MDGA2: variants seen among roughly 807,000 people sequenced by gnomAD.
MDGA2 encodes the protein MAM domain containing glycosylphosphatidylinositol anchor 2.
A neutral mutation model predicts 117.8 loss-of-function variants in MDGA2; 40 were observed. The ratio of observed to expected loss-of-function variants is 0.34; its 90% CI spans 0.26 to 0.44. The LOEUF is 0.44. Among genes scored for constraint, MDGA2 ranks in the 20% least tolerant of loss-of-function variants. The probability of loss-of-function intolerance (pLI) is 1.00; values close to 1 mark genes in which losing one functional copy is unlikely to be tolerated. For synonymous variants in MDGA2, 452 were observed against 439.0 expected (o/e 1.03, Z -0.37); for missense variants, 1,123 against 1,250.6 (o/e 0.90, Z 1.54).
chr14:47,161,927 CTTTTTTTTTTTTTTTTTTTTTTTT>C (rs71112489), intron 3 of MDGA2, among the ~76,000 whole-genome samples: 8 of 52,508 alleles, frequency 1.5e-4, no homozygotes, highest in South Asian at 1.4e-3. Context: ...TCCCCAGATC[CTTTTTTTTTTTTTTTTTTTTTTTT>C]TTTTTTTTTT....
intron 3 of MDGA2, among the ~76,000 whole-genome samples, chr14:47,217,480 G>T (rs967821615): frequency 1.3e-5 from 2 of 151,920 alleles, no homozygotes; most frequent in Admixed American, 6.6e-5. Flanking sequence ...AGGTGGCACA[G>T]CATTGTCCAG....
chr14:47,310,025 AT>A (rs1166793187), intron 1 of MDGA2, among the ~76,000 whole-genome samples: 1 of 152,174 alleles, frequency 6.6e-6, no homozygotes, highest in Non-Finnish European at 1.5e-5. Context: ...AAATTGCAAA[AT>A]ATTATTCTGA....
Position 47,651,577 on chromosome 14 carries a change from GT to G in MDGA2, c.280+22939del, listed in dbSNP as rs36062266. On this transcript the variant is annotated intron_variant, in intron 1 of 16. Coordinates refer to ENST00000399232, the MANE Select transcript of MDGA2 (RefSeq NM_001113498.3). ...AATCAGAAGAGTGATGTAATCTGCT[GT>G]TTTTTTTTAGCCATCACACAGGCTT... Among the ~76,000 whole-genome samples the G allele has an allele frequency of 4.5e-3, 683 of 150,972 alleles. 6 individuals are homozygous for G. Among genetic ancestry groups the G allele is most frequent in the African/African-American group, 0.016 (646 of 41,112 alleles).
intron 1 of MDGA2, among the ~76,000 whole-genome samples, chr14:47,344,052 T>A (rs1011779028): frequency 6.6e-6 from 1 of 152,198 alleles, no homozygotes; most frequent in Admixed American, 6.5e-5. Flanking sequence ...GATCACTGTT[T>A]ACCACACAAT....
At chr14:47,088,336 A>G (rs968647137) in intron 6 of MDGA2, among the ~76,000 whole-genome samples, 2 of 152,290 alleles carry the variant, frequency 1.3e-5, no homozygotes, top group East Asian at 3.9e-4. Context: ...ACTACAGAAT[A>G]TTAAATTGGG....
At chr14:47,102,200 GA>G (rs2139006880) in intron 5 of MDGA2, among the ~76,000 whole-genome samples, 1 of 152,058 alleles carries the variant, frequency 6.6e-6, no homozygotes, top group Admixed American at 6.6e-5. Flanking sequence ...TTTCCATCCA[GA>G]CTCTAAGCAA....
rs1594501991 is a variant in MDGA2, at chr14:46,990,869, CA to C, written c.1820-33227del. 9.2e-4 allele frequency among the ~76,000 whole-genome samples: 54 copies of C among 58,836 alleles called. No individual in the cohort carries two copies. The East Asian group carries it at 0.019, about 20-fold the overall frequency. 38.6% of individuals were successfully genotyped at this position (58,836 alleles called of 152,430 possible). A position where few individuals can be genotyped will look rare whatever the true frequency, so the allele number is the denominator to read the frequency against. On this transcript the variant is annotated intron_variant, in intron 8 of 16. Coordinates refer to ENST00000399232, the MANE Select transcript of MDGA2 (RefSeq NM_001113498.3). ...ATGGATTAGAACACACACACACCCA[CA>C]CACACACACACACACACACACACAC...
chr14:46,930,375 C>A (rs568296945), intron 9 of MDGA2, among the ~76,000 whole-genome samples: 109 of 152,044 alleles, frequency 7.2e-4, no homozygotes, highest in African/African-American at 2.6e-3. Flanking sequence ...CTCTCATATC[C>A]TTTTTGGTAT....
At chr14:46,972,585 A>G (rs1035840280) in intron 8 of MDGA2, among the ~76,000 whole-genome samples, 5 of 152,146 alleles carry the variant, frequency 3.3e-5, no homozygotes, top group African/African-American at 1.2e-4. Flanking sequence ...GAGAAGTTAC[A>G]TTTTCAAGCA....
intron 1 of MDGA2, among the ~76,000 whole-genome samples, chr14:47,495,720 G>A (rs1244423951): frequency 6.6e-6 from 1 of 152,146 alleles, no homozygotes; most frequent in Non-Finnish European, 1.5e-5. Context: ...ATAACTATTC[G>A]AGTATTTCTC....
chr14:47,473,046 G>A (rs1893762177), intron 1 of MDGA2, among the ~76,000 whole-genome samples: 1 of 152,120 alleles, frequency 6.6e-6, no homozygotes. Flanking sequence ...ATGCCCAATG[G>A]GAGGAAAAAC....
intron 1 of MDGA2, among the ~76,000 whole-genome samples, chr14:47,406,039 C>T (rs79869223): frequency 0.026 from 3,967 of 151,982 alleles, 76 homozygotes; most frequent in Non-Finnish European, 0.041. Flanking sequence ...TCCAGAGAAA[C>T]GAAAATTAAT....
At chr14:47,078,581 T>G (rs1890582805) in intron 6 of MDGA2, among the ~76,000 whole-genome samples, 1 of 152,196 alleles carries the variant, frequency 6.6e-6, no homozygotes, top group Admixed American at 6.5e-5. Flanking sequence ...ACCTGTTTTT[T>G]CCTTCTCAAA....
intron 8 of MDGA2, among the ~76,000 whole-genome samples, chr14:46,966,392 C>T (rs529445785): frequency 6.6e-6 from 1 of 152,234 alleles, no homozygotes; most frequent in South Asian, 2.1e-4. Flanking sequence ...GAAAATCTTG[C>T]CTTACTGGTT....
In MDGA2 at chr14:47,291,460, T is replaced by C. The variant is rs72682137; in HGVS notation, c.420+9951A>G. ...ACCAGTACAGATGCTCCTTAACTTA[T>C]AATGGGGTTATCTCCTGATAACCCC... On this transcript the variant is annotated intron_variant, in intron 2 of 16. Coordinates refer to ENST00000399232, the MANE Select transcript of MDGA2 (RefSeq NM_001113498.3). Among the ~76,000 whole-genome samples, 823 of 151,842 alleles carry C rather than the reference T, an allele frequency of 5.4e-3. 1 individual carries two copies. Among genetic ancestry groups the C allele is most frequent in the Non-Finnish European group, 8.6e-3 (583 of 67,866 alleles).
At chr14:47,149,149 G>C (rs190267619) in intron 3 of MDGA2, among the ~76,000 whole-genome samples, 1 of 152,176 alleles carries the variant, frequency 6.6e-6, no homozygotes, top group African/African-American at 2.4e-5. Flanking sequence ...AATTAGCCAG[G>C]CATGGTGGCA....
At chr14:47,437,518 T>C (rs1289790488) in intron 1 of MDGA2, among the ~76,000 whole-genome samples, 1 of 152,282 alleles carries the variant, frequency 6.6e-6, no homozygotes, top group East Asian at 1.9e-4. Context: ...TCCATTTCTT[T>C]AGTGGCTATA....
At chr14:47,055,764 C>G (rs1197585743) in intron 7 of MDGA2, among the ~76,000 whole-genome samples, 1 of 152,122 alleles carries the variant, frequency 6.6e-6, no homozygotes, top group Non-Finnish European at 1.5e-5. Flanking sequence ...TGGAACACAG[C>G]TGTGCCCATT....
At chr14:47,597,429 T>A (rs577778130) in intron 1 of MDGA2, among the ~76,000 whole-genome samples, 78 of 152,224 alleles carry the variant, frequency 5.1e-4, no homozygotes, top group African/African-American at 1.6e-3. Context: ...TTCACCAAAA[T>A]TCTTTTTCAA....
Sources: gnomAD v4.1 joint callset for allele counts (sites outside exome capture counted in the v4.1 genomes callset) on GRCh38, gnomAD v4.1.1 for gene constraint, MANE v1.5 for transcripts, NCBI Gene and HGNC (gene_info 2026-07-23, HGNC 2026-07-21) for gene names.